The following INPP4B variants were observed in gnomAD, a reference collection of about 807,000 sequenced individuals.
The protein encoded by INPP4B is inositol polyphosphate-4-phosphatase type II B.
INPP4B carries 55 observed loss-of-function variants against 122.5 expected under a neutral mutation model. That is an observed-to-expected ratio of 0.45 (90% CI 0.36 to 0.56). The LOEUF is 0.56. Among genes scored for constraint, INPP4B ranks in the 20% least tolerant of loss-of-function variants. INPP4B has a pLI of 0.00. For missense variants in INPP4B, 1,000 were observed against 1,097.7 expected (o/e 0.91, Z 1.26); for synonymous variants, 403 against 388.7 (o/e 1.04, Z -0.43).
rs1262697961 is a variant in INPP4B, at chr4:142,023,971, C to T, written c.*4811G>A. 1 of 151,516 alleles carries T rather than the reference C, an allele frequency of 6.6e-6. No individual in the cohort carries two copies. The highest frequency in any genetic ancestry group is 1.5e-5 in the Non-Finnish European group (1 of 67,896). 9.4% of individuals were successfully genotyped at this position (151,516 alleles called of 1,614,324 possible). On this transcript the variant is annotated 3_prime_UTR_variant, in exon 26 of 26. Transcript: ENST00000262992. ...TTTTTTTTTTGCTTATATTACCTTA[C>T]TATTTTTCCTGTCTCCTTGTTATTA...
intron 21 of INPP4B, among the ~76,000 whole-genome samples, chr4:142,117,949 A>G (rs911170267): frequency 1.3e-5 from 2 of 152,338 alleles, no homozygotes; most frequent in South Asian, 4.1e-4. Flanking sequence ...GCAAAGTCTC[A>G]GGATACAAAA....
intron 25 of INPP4B, chr4:142,030,020 AT>A: frequency 7.2e-7 from 1 of 1,380,314 alleles, no homozygotes; most frequent in Non-Finnish European, 9.4e-7. Context: ...ACAATTTAAC[AT>A]TTTTTAAATT....
At position 142,431,377 on chromosome 4, in the gene INPP4B, A is replaced by G; in HGVS notation, c.-118T>C. On this transcript the variant is annotated 5_prime_UTR_variant, in exon 4 of 26. Transcript: ENST00000262992. ...TAAAGATCTGATATCCCACTCTGAAATTCTGTACCTAGGAAACATCAAAAG... is the reference window on the plus strand; with the variant it reads ...TAAAGATCTGATATCCCACTCTGAAGTTCTGTACCTAGGAAACATCAAAAG... The G allele has an allele frequency of 1.4e-6, 1 of 711,036 alleles. No individual in the cohort carries two copies. The highest frequency in any genetic ancestry group is 1.7e-5 in the South Asian group (1 of 57,538). 44.0% of individuals were successfully genotyped at this position (711,036 alleles called of 1,614,324 possible).
At chr4:142,671,558 C>T (rs1373038) in intron 2 of INPP4B, among the ~76,000 whole-genome samples, 129,711 of 152,076 alleles carry the variant, frequency 0.85, 55,363 homozygotes, top group African/African-American at 0.89. Context: ...TGCTACAATA[C>T]CAATTCAGTG....
intron 25 of INPP4B, among the ~76,000 whole-genome samples, chr4:142,056,054 T>C (rs1317127449): frequency 6.6e-6 from 1 of 151,886 alleles, no homozygotes; most frequent in Non-Finnish European, 1.5e-5. Flanking sequence ...ATTCCTCGCA[T>C]GTGCAGTTTG....
At chr4:142,461,013 T>C (rs939600984) in intron 3 of INPP4B, among the ~76,000 whole-genome samples, 1 of 151,992 alleles carries the variant, frequency 6.6e-6, no homozygotes, top group Non-Finnish European at 1.5e-5. Context: ...ACTCCATCTC[T>C]ACAAAAAATT....
At chr4:142,069,072 A>T (rs972474741) in intron 25 of INPP4B, among the ~76,000 whole-genome samples, 3 of 152,246 alleles carry the variant, frequency 2.0e-5, no homozygotes, top group Non-Finnish European at 4.4e-5. Context: ...AATTGACCAC[A>T]GAGTTGGAAG....
chr4:142,302,291 A>C (rs1199643549), intron 9 of INPP4B, among the ~76,000 whole-genome samples: 1 of 152,142 alleles, frequency 6.6e-6, no homozygotes, highest in Admixed American at 6.6e-5. Context: ...GTGAAGTCAA[A>C]CGTGGAAGAA....
Position 142,120,788 on chromosome 4 carries a change from G to A in INPP4B, c.2135+1340C>T, listed in dbSNP as rs568579731. Among the ~76,000 whole-genome samples, 135 of 152,176 alleles carry A rather than the reference G, an allele frequency of 8.9e-4. 1 individual carries two copies. The highest frequency in any genetic ancestry group is 2.8e-3 in the African/African-American group (118 of 41,558). The stretch of plus-strand genomic sequence containing the variant: ...CAGACTTCTACTGATGCTGCCCAAT[G>A]TTCACTAGTTTCTCACAAATAAGTA... On this transcript the variant is annotated intron_variant, in intron 21 of 25. Coordinates refer to ENST00000262992, the MANE Select transcript of INPP4B (RefSeq NM_001101669.3).
chr4:142,448,329 CAAAAAAAAAAAA>C (rs71586289), intron 3 of INPP4B, among the ~76,000 whole-genome samples: 4 of 61,988 alleles, frequency 6.5e-5, no homozygotes, highest in African/African-American at 2.6e-4. Context: ...TATCCATCTC[CAAAAAAAAAAAA>C]AAAAAAAAAA....
intron 25 of INPP4B, among the ~76,000 whole-genome samples, chr4:142,032,861 C>T (rs1741223397): frequency 1.3e-5 from 2 of 151,942 alleles, no homozygotes; most frequent in Admixed American, 1.3e-4. Flanking sequence ...TAACTTATGC[C>T]ATTTGTATAT....
intron 8 of INPP4B, among the ~76,000 whole-genome samples, chr4:142,313,560 G>C (rs1371249084): frequency 6.6e-6 from 1 of 152,188 alleles, no homozygotes; most frequent in Non-Finnish European, 1.5e-5. Context: ...CAGCAGCCCA[G>C]GCTGACAGAG....
At chr4:142,140,734 C>A (rs1380333296) in intron 18 of INPP4B, among the ~76,000 whole-genome samples, 1 of 152,160 alleles carries the variant, frequency 6.6e-6, no homozygotes, top group Non-Finnish European at 1.5e-5. Flanking sequence ...CCCAATATTT[C>A]ATAATGTCTA....
intron 2 of INPP4B, among the ~76,000 whole-genome samples, chr4:142,468,269 ACCTGGG>A (rs1818183348): frequency 6.6e-6 from 1 of 152,088 alleles, no homozygotes; most frequent in South Asian, 2.1e-4. Context: ...CATGGAAGAA[ACCTGGG>A]CCTTGTGCTG....
In INPP4B at chr4:142,312,911, A is replaced by C. The variant is rs529218101; in HGVS notation, c.423+1801T>G. 2.0e-5 allele frequency among the ~76,000 whole-genome samples: 3 copies of C among 152,306 alleles called. No individual in the cohort carries two copies. In the South Asian group the frequency reaches 6.2e-4, roughly 32 times the overall value. On this transcript the variant is annotated intron_variant, in intron 8 of 25. Coordinates refer to ENST00000262992, the MANE Select transcript of INPP4B (RefSeq NM_001101669.3). ...TTGCCTGAGAAGCATCAAGTCTAGC[A>C]GTAAGAAAACCTTGCCCTCACCAGG... is the stretch of plus-strand genomic sequence containing the variant.
intron 2 of INPP4B, among the ~76,000 whole-genome samples, chr4:142,662,355 T>G (rs377048452): frequency 7.3e-4 from 111 of 152,340 alleles, no homozygotes; most frequent in African/African-American, 2.5e-3. Context: ...TATTGTCTCA[T>G]TATTAGAGAG....
intron 1 of INPP4B, among the ~76,000 whole-genome samples, chr4:142,806,441 G>A (rs1778733382): frequency 6.6e-6 from 1 of 151,176 alleles, no homozygotes; most frequent in Admixed American, 6.6e-5. Context: ...GCAGAATAAC[G>A]TCTTAAGAAA....
At chr4:142,820,757 C>G (rs748672767) in intron 1 of INPP4B, among the ~76,000 whole-genome samples, 1 of 152,092 alleles carries the variant, frequency 6.6e-6, no homozygotes, top group Non-Finnish European at 1.5e-5. Flanking sequence ...ATGCTTTATT[C>G]AAATGAATGA....
intron 2 of INPP4B, among the ~76,000 whole-genome samples, chr4:142,707,039 A>G (rs1762557200): frequency 6.6e-6 from 1 of 152,246 alleles, no homozygotes; most frequent in Non-Finnish European, 1.5e-5. Flanking sequence ...ACAGAATTGT[A>G]AGTTGTGAAT....
Sources: allele counts gnomAD v4.1 joint callset (sites outside exome capture counted in the v4.1 genomes callset), GRCh38; gene constraint gnomAD v4.1.1; transcripts MANE v1.5; gene names NCBI Gene and HGNC (gene_info 2026-07-23, HGNC 2026-07-21).